NFATC2: variants seen among roughly 807,000 people sequenced by gnomAD.
NFATC2 encodes the protein nuclear factor of activated T cells 2.
NFATC2 carries 22 observed loss-of-function variants against 87.3 expected under a neutral mutation model. The observed-to-expected ratio is 0.25, with a 90% CI of 0.18 to 0.36. NFATC2 has a LOEUF of 0.36. NFATC2 is among the 10% of genes least tolerant of loss of function. NFATC2 has a pLI of 1.00. For missense variants in NFATC2, 1,149 were observed against 1,259.1 expected (o/e 0.91, Z 1.32); for synonymous variants, 565 against 542.2 (o/e 1.04, Z -0.58).
chr20:51,392,197 A>G lies in NFATC2; in HGVS notation c.*45-746T>C, dbSNP rs552169782. On this transcript the variant is annotated intron_variant, in intron 10 of 10. Coordinates refer to ENST00000371564, the MANE Select transcript of NFATC2 (RefSeq NM_012340.5). ...AAAACTTACGGTTCTCAAAAGAGGA[A>G]CCCTTACAAAGAGAGCAAGTGAGGG... Among the ~76,000 whole-genome samples, 4 of 152,304 alleles carry G rather than the reference A, an allele frequency of 2.6e-5. No individual in the cohort carries two copies. The South Asian group carries it at 6.2e-4, about 24-fold the overall frequency.
At chr20:51,397,682 A>C (rs115880834) in intron 10 of NFATC2, among the ~76,000 whole-genome samples, 3,528 of 152,114 alleles carry the variant, frequency 0.023, 130 homozygotes, top group African/African-American at 0.078. Flanking sequence ...ATGGCTGGAG[A>C]ATGTGCTCCT....
chr20:51,436,576 G>A (rs566426637), intron 6 of NFATC2, among the ~76,000 whole-genome samples: 53 of 152,078 alleles, frequency 3.5e-4, no homozygotes, highest in African/African-American at 1.2e-3. Context: ...TTAGCCAGGT[G>A]TGGTTGCAGG....
chr20:51,551,840 A>G (rs950161605), intron 1 of NFATC2, among the ~76,000 whole-genome samples: 4 of 151,722 alleles, frequency 2.6e-5, no homozygotes, highest in Non-Finnish European at 4.4e-5. Context: ...ATCCTGGCTA[A>G]CATGGTGAAA....
At chr20:51,411,516 CTTTTTT>C (rs67935951) in intron 9 of NFATC2, among the ~76,000 whole-genome samples, 181 of 87,210 alleles carry the variant, frequency 2.1e-3, no homozygotes, top group Middle Eastern at 7.1e-3. Flanking sequence ...ATGCAATTGT[CTTTTTT>C]TTTTTTTTTT....
At chr20:51,536,266 G>A (rs1371500883) in intron 1 of NFATC2, among the ~76,000 whole-genome samples, 1 of 152,182 alleles carries the variant, frequency 6.6e-6, no homozygotes, top group African/African-American at 2.4e-5. Context: ...GCTAGAGACA[G>A]CAGCTCCATA....
At position 51,523,480 on chromosome 20, in the gene NFATC2, T is replaced by A; in HGVS notation, c.761A>T (p.His254Leu). ...GGCAACCAAGGCCTCGGCGCACGAA[T>A]GCCTCCGCTTGGCACCAGGCGATGA... is the stretch of plus-strand genomic sequence containing the variant. ...RSSSPGAKRRHSCAEALVALP... is the reference protein window; with the variant it reads ...RSSSPGAKRRLSCAEALVALP... The change falls in exon 2 of 11, where the codon CAT (histidine) becomes CTT (leucine). Residue 254 changes from histidine (H) to leucine (L), a missense_variant. Coordinates refer to ENST00000371564, the MANE Select transcript of NFATC2 (RefSeq NM_012340.5). The surrounding 1 kb of genome is among the most constrained non-coding windows in gnomAD (Gnocchi z 6.9). 1 of 1,611,376 alleles carries A rather than the reference T, an allele frequency of 6.2e-7. No homozygotes were observed. Among genetic ancestry groups the A allele is most frequent in the Non-Finnish European group, 8.5e-7 (1 of 1,178,732 alleles).
chr20:51,557,060 A>G (rs2076984695), intron 1 of NFATC2, among the ~76,000 whole-genome samples: 2 of 152,196 alleles, frequency 1.3e-5, no homozygotes, highest in African/African-American at 4.8e-5. Flanking sequence ...AGACTGGACC[A>G]TGGAGCCCTT....
At chr20:51,405,911 G>T (rs1348198118) in intron 9 of NFATC2, among the ~76,000 whole-genome samples, 4 of 152,152 alleles carry the variant, frequency 2.6e-5, no homozygotes, top group Non-Finnish European at 4.4e-5. Flanking sequence ...TGAGTAGTTG[G>T]GATTACAGGT....
At chr20:51,530,636 A>T (rs1178270673) in intron 1 of NFATC2, among the ~76,000 whole-genome samples, 1 of 152,186 alleles carries the variant, frequency 6.6e-6, no homozygotes, top group Non-Finnish European at 1.5e-5. Flanking sequence ...AAGAAGATAG[A>T]AGCAGGGATG....
chr20:51,559,491 T>G (rs554125566), intron 1 of NFATC2, among the ~76,000 whole-genome samples: 1 of 152,314 alleles, frequency 6.6e-6, no homozygotes, highest in South Asian at 2.1e-4. Flanking sequence ...CAGCAGAGCA[T>G]ATGGTGAAGA....
Position 51,473,617 on chromosome 20 carries a change from G to A in NFATC2, c.1708+363C>T, listed in dbSNP as rs1988439317. ...TATTGTTATTGAAAGGATAAAGAAG[G>A]AAAAGAAAAAAGGGCACCATGCACA... On this transcript the variant is annotated intron_variant, in intron 5 of 10. Coordinates refer to ENST00000371564, the MANE Select transcript of NFATC2 (RefSeq NM_012340.5). Among the ~76,000 whole-genome samples, 3 of 151,940 alleles carry A rather than the reference G, an allele frequency of 2.0e-5. No homozygotes were observed. In the South Asian group the frequency reaches 6.2e-4, roughly 32 times the overall value.
At chr20:51,534,510 T>C (rs917873158) in intron 1 of NFATC2, among the ~76,000 whole-genome samples, 3 of 152,200 alleles carry the variant, frequency 2.0e-5, no homozygotes, top group Non-Finnish European at 4.4e-5. Flanking sequence ...AATTTTTGTA[T>C]TTTTAGTAGA....
At chr20:51,444,017 T>G (rs1984717275) in intron 6 of NFATC2, among the ~76,000 whole-genome samples, 1 of 152,130 alleles carries the variant, frequency 6.6e-6, no homozygotes, top group Admixed American at 6.5e-5. Context: ...GGGTCTCACT[T>G]CATTGCCCAG....
At chr20:51,445,416 C>T (rs527790600) in intron 6 of NFATC2, among the ~76,000 whole-genome samples, 43 of 152,324 alleles carry the variant, frequency 2.8e-4, no homozygotes, top group African/African-American at 1.0e-3. Context: ...CAAGAGCTCC[C>T]TGACTCCTCT....
intron 6 of NFATC2, among the ~76,000 whole-genome samples, chr20:51,442,849 C>T (rs1017605690): frequency 1.3e-5 from 2 of 151,780 alleles, no homozygotes; most frequent in Non-Finnish European, 2.9e-5. Flanking sequence ...CACAGCTGTA[C>T]CCCAGGCCGA....
chr20:51,528,576 C>T (rs2076584110), intron 1 of NFATC2, among the ~76,000 whole-genome samples: 1 of 152,136 alleles, frequency 6.6e-6, no homozygotes, highest in African/African-American at 2.4e-5. Flanking sequence ...CTGGAAGTCA[C>T]AAGTAATAGT....
intron 2 of NFATC2, among the ~76,000 whole-genome samples, chr20:51,517,193 C>G (rs114668872): frequency 6.6e-6 from 1 of 152,100 alleles, no homozygotes. Context: ...AGGCTACAAA[C>G]CTGTACAGCA....
intron 9 of NFATC2, among the ~76,000 whole-genome samples, chr20:51,422,742 G>T (rs1248765254): frequency 6.6e-6 from 1 of 152,136 alleles, no homozygotes; most frequent in Non-Finnish European, 1.5e-5. Flanking sequence ...CTACTTCAGG[G>T]CAGGGGGCTT....
At chr20:51,526,038 C>A (rs948862974) in intron 1 of NFATC2, among the ~76,000 whole-genome samples, 5 of 151,704 alleles carry the variant, frequency 3.3e-5, no homozygotes, top group African/African-American at 4.9e-5. Context: ...GCCTGGAAAC[C>A]CTCCCCGCGA....
Sources: allele counts gnomAD v4.1 joint callset (sites outside exome capture counted in the v4.1 genomes callset), GRCh38; gene constraint gnomAD v4.1.1; non-coding constraint Gnocchi (gnomAD v3.1); transcripts MANE v1.5; gene names NCBI Gene and HGNC (gene_info 2026-07-23, HGNC 2026-07-21).